TRABD2B: variants seen among roughly 807,000 people sequenced by gnomAD.
The protein encoded by TRABD2B is TraB domain containing 2B.
Under a neutral mutation model 40.1 loss-of-function variants are expected in TRABD2B, and 14 were observed. That is an observed-to-expected ratio of 0.35 (90% CI 0.23 to 0.55). The LOEUF (loss-of-function observed/expected upper bound fraction) is 0.55. Ranked by LOEUF, TRABD2B falls within the 20% of genes least tolerant of loss-of-function variation. The pLI is 0.90. For synonymous variants in TRABD2B, 263 were observed against 277.0 expected, an observed-to-expected ratio of 0.95 and a Z score of 0.50; for missense variants, 541 against 648.6, an observed-to-expected ratio of 0.83 and a Z score of 1.80.
rs1644237581 is a variant in TRABD2B at position 47,760,925 on chromosome 1, G to C, written c.*4977C>G. The C allele has an allele frequency of 6.6e-6, 1 of 152,248 alleles. No individual in the cohort carries two copies. The highest frequency in any genetic ancestry group is 6.5e-5 in the Admixed American group (1 of 15,288). 9.4% of individuals were successfully genotyped at this position (152,248 alleles called of 1,614,324 possible). Reference sequence around the variant, plus strand: ...ATCTTAGACTTGGATCCCGTTCAAAGCCCACTTTCCCCACAGCAGGACTGG... The same window carrying C: ...ATCTTAGACTTGGATCCCGTTCAAACCCCACTTTCCCCACAGCAGGACTGG... On this transcript the variant is annotated 3_prime_UTR_variant, in exon 7 of 7. Coordinates refer to ENST00000606738, the MANE Select transcript of TRABD2B (RefSeq NM_001194986.2).
chr1:47,852,557 G>A (rs1643824285), intron 2 of TRABD2B, among the ~76,000 whole-genome samples: 1 of 152,140 alleles, frequency 6.6e-6, no homozygotes, highest in African/African-American at 2.4e-5. Flanking sequence ...GTCACGTCTG[G>A]CCAGAACTCT....
At chr1:47,769,496 G>A (rs1331462430) in intron 6 of TRABD2B, among the ~76,000 whole-genome samples, 1 of 152,198 alleles carries the variant, frequency 6.6e-6, no homozygotes, top group Non-Finnish European at 1.5e-5. Context: ...CCAGAGAAAT[G>A]GGGCAGGACT....
Position 47,994,169 on chromosome 1 carries a change from G to A in TRABD2B, c.531C>T (p.Asp177=), listed in dbSNP as rs896044079. The A allele has an allele frequency of 9.1e-6, 14 of 1,537,622 alleles. No homozygotes were observed. The highest frequency in any genetic ancestry group is 2.4e-5 in the South Asian group (2 of 84,078). The change falls in exon 2 of 7, where the codon GAC becomes GAT. Residue 177 remains aspartate, a synonymous_variant. Coordinates refer to ENST00000606738, the MANE Select transcript of TRABD2B (RefSeq NM_001194986.2). This position sits in a 1 kb window ranked among gnomAD's most constrained non-coding sequence, Gnocchi z 6.7. ...MLMVNSLTER[D]VRFRGVPVLD... is the part of the protein sequence containing the mutation. Reference sequence around the variant, plus strand: ...GCACGGGCACACCACGGAAGCGCACGTCCCTCTCTGTGAGCGAGTTTACCA... The same window carrying A: ...GCACGGGCACACCACGGAAGCGCACATCCCTCTCTGTGAGCGAGTTTACCA...
At chr1:47,808,196 T>C (rs1283324906) in intron 2 of TRABD2B, among the ~76,000 whole-genome samples, 2 of 152,230 alleles carry the variant, frequency 1.3e-5, no homozygotes, top group African/African-American at 4.8e-5. Flanking sequence ...AGACTGCTTT[T>C]GGACTTGAAC....
At chr1:47,955,969 G>C (rs1389576050) in intron 2 of TRABD2B, among the ~76,000 whole-genome samples, 1 of 152,210 alleles carries the variant, frequency 6.6e-6, no homozygotes, top group Non-Finnish European at 1.5e-5. Flanking sequence ...ATGAATCTCT[G>C]TATCCTGGCC....
At chr1:47,846,196 C>G (rs897066483) in intron 2 of TRABD2B, among the ~76,000 whole-genome samples, 33 of 152,210 alleles carry the variant, frequency 2.2e-4, no homozygotes, top group African/African-American at 7.5e-4. Context: ...GCATGCTTCC[C>G]CCTCCAGTTA....
chr1:47,808,514 G>A (rs138352832), intron 2 of TRABD2B, among the ~76,000 whole-genome samples: 5 of 152,194 alleles, frequency 3.3e-5, no homozygotes, highest in Admixed American at 1.3e-4. Flanking sequence ...AGAGGCCAGC[G>A]TGGCTGAAGC....
At chr1:47,922,166 T>G (rs1019093751) in intron 2 of TRABD2B, among the ~76,000 whole-genome samples, 3 of 152,230 alleles carry the variant, frequency 2.0e-5, no homozygotes, top group Admixed American at 1.3e-4. Context: ...GTTCCCTAGA[T>G]AAGCAGCAGT....
rs1010386290 is a variant in TRABD2B at position 47,996,239 on chromosome 1, G to C, written c.102+449C>G. Among the ~76,000 whole-genome samples the C allele has an allele frequency of 5.9e-5, 9 of 152,296 alleles. No homozygotes were observed. Among genetic ancestry groups the C allele is most frequent in the African/African-American group, 1.9e-4 (8 of 41,566 alleles). ...AGGTCAGAGTGGGAGGGCAGGGAGA[G>C]AGAGGGAAGCCTGGGAGGGGGCAGA... On this transcript the variant is annotated intron_variant, in intron 1 of 6. Coordinates refer to ENST00000606738, the MANE Select transcript of TRABD2B (RefSeq NM_001194986.2). The surrounding 1 kb of genome is among the most constrained non-coding windows in gnomAD (Gnocchi z 4.6).
chr1:47,972,537 C>T (rs887611607), intron 2 of TRABD2B, among the ~76,000 whole-genome samples: 5 of 150,814 alleles, frequency 3.3e-5, no homozygotes, highest in African/African-American at 1.2e-4. Context: ...GCCCTCTTTC[C>T]ACCACATGAG....
At position 47,943,154 on chromosome 1, in the gene TRABD2B, T is replaced by G. The variant is rs116036205; in HGVS notation, c.666+50880A>C. On this transcript the variant is annotated intron_variant, in intron 2 of 6. Transcript: ENST00000606738. ...AACACTGGTTACTCCAGAACGGGGT[T>G]CTGAAGATTCAACGAGGACACGCAC... 3.6e-3 allele frequency among the ~76,000 whole-genome samples: 547 copies of G among 152,332 alleles called. 6 individuals are homozygous for G. The highest frequency in any genetic ancestry group is 0.012 in the African/African-American group (502 of 41,568).
chr1:47,947,851 G>A (rs1234522378), intron 2 of TRABD2B, among the ~76,000 whole-genome samples: 4 of 152,184 alleles, frequency 2.6e-5, no homozygotes, highest in Admixed American at 6.5e-5. Context: ...TGAGGAAACC[G>A]AGGCTCAGAG....
chr1:47,997,229 G>A lies in TRABD2B; in HGVS notation c.-440C>T. ...GGGTGCGCGGCGCTCCAGGAGGCGC[G>A]CAGTGGGACAAGTGCGGCGGAAGGC... On this transcript the variant is annotated 5_prime_UTR_variant, in exon 1 of 7. Coordinates refer to ENST00000606738, the MANE Select transcript of TRABD2B (RefSeq NM_001194986.2). The A allele has an allele frequency of 1.0e-6, 1 of 982,870 alleles. No individual in the cohort carries two copies. The highest frequency in any genetic ancestry group is 1.2e-6 in the Non-Finnish European group (1 of 828,996). 60.9% of individuals were successfully genotyped at this position (982,870 alleles called of 1,614,324 possible).
intron 2 of TRABD2B, among the ~76,000 whole-genome samples, chr1:47,803,160 T>G (rs1180027393): frequency 6.6e-6 from 1 of 152,208 alleles, no homozygotes; most frequent in Non-Finnish European, 1.5e-5. Flanking sequence ...TCTGACCACC[T>G]GGGGACTGGG....
At position 47,996,222 on chromosome 1, in the gene TRABD2B, G is replaced by A. The variant is rs1220211581; in HGVS notation, c.102+466C>T. On this transcript the variant is annotated intron_variant, in intron 1 of 6. Coordinates refer to ENST00000606738, the MANE Select transcript of TRABD2B (RefSeq NM_001194986.2). This position sits in a 1 kb window ranked among gnomAD's most constrained non-coding sequence, Gnocchi z 4.6. Reference sequence around the variant, plus strand: ...GGGAGAAAGTTTGTCTTAGGTCAGAGTGGGAGGGCAGGGAGAGAGAGGGAA... The same window carrying A: ...GGGAGAAAGTTTGTCTTAGGTCAGAATGGGAGGGCAGGGAGAGAGAGGGAA... 1.3e-5 allele frequency among the ~76,000 whole-genome samples: 2 copies of A among 152,126 alleles called. No homozygotes were observed. The highest frequency in any genetic ancestry group is 4.8e-5 in the African/African-American group (2 of 41,424).
intron 2 of TRABD2B, among the ~76,000 whole-genome samples, chr1:47,860,975 C>T (rs77113792): frequency 0.04 from 6,123 of 152,232 alleles, 179 homozygotes; most frequent in Non-Finnish European, 0.066. Flanking sequence ...AATATCCTGT[C>T]TAAGCAACAT....
At chr1:47,831,316 G>C (rs1216301537) in intron 2 of TRABD2B, among the ~76,000 whole-genome samples, 2 of 152,188 alleles carry the variant, frequency 1.3e-5, no homozygotes, top group African/African-American at 4.8e-5. Context: ...AGACTGCATG[G>C]AGTTTAAAAG....
At chr1:47,928,439 C>G (rs1183766177) in intron 2 of TRABD2B, among the ~76,000 whole-genome samples, 2 of 152,210 alleles carry the variant, frequency 1.3e-5, no homozygotes, top group Non-Finnish European at 2.9e-5. Context: ...GCATGCATTT[C>G]ATGTTTGATG....
intron 2 of TRABD2B, among the ~76,000 whole-genome samples, chr1:47,925,612 C>A (rs1273286453): frequency 6.6e-6 from 1 of 152,188 alleles, no homozygotes; most frequent in East Asian, 1.9e-4. Context: ...GCTGAAGATG[C>A]TGGAGCCTCA....
Sources: gnomAD v4.1 joint callset for allele counts (sites outside exome capture counted in the v4.1 genomes callset) on GRCh38, gnomAD v4.1.1 for gene constraint, Gnocchi (gnomAD v3.1) non-coding constraint, MANE v1.5 for transcripts, NCBI Gene and HGNC (gene_info 2026-07-23, HGNC 2026-07-21) for gene names.